Variants in MYO1D observed in about 807,000 individuals in gnomAD.
MYO1D encodes the protein unconventional myosin-Id.
In MYO1D, 83 loss-of-function variants were observed where a neutral mutation model predicts 122.0. The observed-to-expected ratio is 0.68, with a 90% confidence interval of 0.57 to 0.82. The LOEUF (loss-of-function observed/expected upper bound fraction) is 0.82, where lower values mean the gene tolerates loss of function less well. Ranked by LOEUF, MYO1D falls within the 40% of genes least tolerant of loss-of-function variation. The pLI is 0.00. For missense variants in MYO1D, 1,157 were observed against 1,269.5 expected (o/e 0.91, Z 1.35); for synonymous variants, 464 against 446.9 (o/e 1.04, Z -0.48).
intron 16 of MYO1D, among the ~76,000 whole-genome samples, chr17:32,660,688 A>G (rs2088551349): frequency 6.6e-6 from 1 of 152,218 alleles, no homozygotes; most frequent in Non-Finnish European, 1.5e-5. Context: ...ATATAAACAG[A>G]ATGTTTAAAG....
intron 19 of MYO1D, among the ~76,000 whole-genome samples, chr17:32,645,109 T>C (rs1382161727): frequency 1.3e-5 from 2 of 152,176 alleles, no homozygotes; most frequent in South Asian, 4.1e-4. Context: ...GCAGGCCTGG[T>C]GGTGACAAAA....
intron 13 of MYO1D, 74 bp downstream of exon 13, chr17:32,745,131 CATATAA>C (rs1307094564): frequency 1.0e-5 from 8 of 777,836 alleles, no homozygotes; most frequent in Non-Finnish European, 2.1e-6. Context: ...CTTAAAATTG[CATATAA>C]ATATAACCAT....
intron 21 of MYO1D, among the ~76,000 whole-genome samples, chr17:32,536,103 G>A (rs1910658225): frequency 6.6e-6 from 1 of 151,960 alleles, no homozygotes; most frequent in Admixed American, 6.6e-5. Flanking sequence ...TATGATCTTG[G>A]CTCACTGCAA....
intron 19 of MYO1D, among the ~76,000 whole-genome samples, chr17:32,647,934 C>T (rs1034856289): frequency 6.6e-6 from 1 of 152,196 alleles, no homozygotes; most frequent in Non-Finnish European, 1.5e-5. Flanking sequence ...ACACTGAGGA[C>T]TGGGCACGAT....
intron 20 of MYO1D, chr17:32,627,812 G>C (rs931075116): frequency 3.3e-5 from 5 of 152,150 alleles, no homozygotes; most frequent in African/African-American, 1.2e-4. Context: ...AAGGTTATAT[G>C]TTTCGGTTAC....
chr17:32,505,136 T>C (rs1409311783), intron 21 of MYO1D: 2 of 152,244 alleles, frequency 1.3e-5, no homozygotes, highest in African/African-American at 4.8e-5. Flanking sequence ...TTTTAAGGGC[T>C]CAAAAGACCC....
chr17:32,745,880 G>T (rs1469929704), intron 12 of MYO1D, among the ~76,000 whole-genome samples: 1 of 152,058 alleles, frequency 6.6e-6, no homozygotes, highest in Non-Finnish European at 1.5e-5. Context: ...ATTGCAGTTG[G>T]TGAGAAGAGT....
intron 16 of MYO1D, among the ~76,000 whole-genome samples, chr17:32,711,653 A>G (rs321182): frequency 0.43 from 64,851 of 150,196 alleles, 14,518 homozygotes; most frequent in East Asian, 0.73. Context: ...CTCGGGGGGG[A>G]AAAAAAAAGT....
At chr17:32,540,156 C>T (rs112839546) in intron 21 of MYO1D, among the ~76,000 whole-genome samples, 1 of 151,510 alleles carries the variant, frequency 6.6e-6, no homozygotes, top group Non-Finnish European at 1.5e-5. Flanking sequence ...AACCAATCTG[C>T]CAACATGATG....
At chr17:32,767,526 A>G in intron 7 of MYO1D, 110 bp downstream of exon 7, 1 of 669,652 alleles carries the variant, frequency 1.5e-6, no homozygotes, top group Non-Finnish European at 2.5e-6. Flanking sequence ...AAATACGTAC[A>G]AAATTTTCTC....
At chr17:32,516,462 G>A (rs1235829276) in intron 21 of MYO1D, among the ~76,000 whole-genome samples, 1 of 152,144 alleles carries the variant, frequency 6.6e-6, no homozygotes, top group Admixed American at 6.5e-5. Flanking sequence ...TTGCTGGCTG[G>A]GAAAGTGTGG....
Position 32,814,903 on chromosome 17 carries a change from A to G in MYO1D, c.96-34119T>C, listed in dbSNP as rs1361365020. On this transcript the variant is annotated intron_variant, in intron 1 of 21. Coordinates refer to ENST00000318217, the MANE Select transcript of MYO1D (RefSeq NM_015194.3). ...ACAAAAACGCTTCCATCTTCAACAC[A>G]TGACTTCAAGTTACGCTGCGCATCA... is the stretch of plus-strand genomic sequence containing the variant. 2.0e-5 allele frequency among the ~76,000 whole-genome samples: 3 copies of G among 152,336 alleles called. No homozygotes were observed. The East Asian group carries it at 5.8e-4, about 29-fold the overall frequency.
chr17:32,601,566 C>T lies in MYO1D; in HGVS notation c.2864+3521G>A, dbSNP rs201917491. ...AGTTTTGAAATATTATGAGAATTAT[C>T]AAAATTGCTGTGGCAATTTGTTAGC... On this transcript the variant is annotated intron_variant, in intron 21 of 21. Transcript: ENST00000318217. 3.3e-5 allele frequency among the ~76,000 whole-genome samples: 5 copies of T among 152,300 alleles called. No individual in the cohort carries two copies. In the East Asian group the frequency reaches 5.8e-4, roughly 18 times the overall value.
intron 21 of MYO1D, among the ~76,000 whole-genome samples, chr17:32,574,975 C>T (rs1487075980): frequency 6.6e-6 from 1 of 152,216 alleles, no homozygotes; most frequent in Non-Finnish European, 1.5e-5. Flanking sequence ...CCTTGTAATA[C>T]AGTGACTTTG....
At chr17:32,614,910 A>G (rs321148) in intron 20 of MYO1D, among the ~76,000 whole-genome samples, 2 of 152,022 alleles carry the variant, frequency 1.3e-5, no homozygotes, top group Non-Finnish European at 2.9e-5. Context: ...GGGGCCAGAC[A>G]AGTGAGTGTA....
At chr17:32,565,332 T>C (rs2087162643) in intron 21 of MYO1D, among the ~76,000 whole-genome samples, 1 of 152,158 alleles carries the variant, frequency 6.6e-6, no homozygotes, top group Non-Finnish European at 1.5e-5. Context: ...GTGCAAAAAC[T>C]GCTCCTTTAA....
chr17:32,803,076 T>C (rs2090474208), intron 1 of MYO1D, among the ~76,000 whole-genome samples: 1 of 152,174 alleles, frequency 6.6e-6, no homozygotes, highest in Non-Finnish European at 1.5e-5. Context: ...CTGTATAAAG[T>C]AAGCAGCTGT....
chr17:32,580,770 A>T (rs572282911), intron 21 of MYO1D, among the ~76,000 whole-genome samples: 9 of 152,284 alleles, frequency 5.9e-5, no homozygotes, highest in Admixed American at 2.6e-4. Flanking sequence ...GCCTGGGATA[A>T]ATCCCACTTG....
At chr17:32,774,956 T>C (rs2090158311) in intron 4 of MYO1D, among the ~76,000 whole-genome samples, 1 of 152,194 alleles carries the variant, frequency 6.6e-6, no homozygotes, top group South Asian at 2.1e-4. Flanking sequence ...ACTGTAAAAA[T>C]GAACTCTATG....
Sources: gnomAD v4.1 joint callset for allele counts (sites outside exome capture counted in the v4.1 genomes callset) on GRCh38, gnomAD v4.1.1 for gene constraint, MANE v1.5 for transcripts, NCBI Gene and HGNC (gene_info 2026-07-23, HGNC 2026-07-21) for gene names.